The following KCNU1 variants were observed in gnomAD, a reference collection of about 807,000 sequenced individuals.
The protein encoded by KCNU1 is potassium calcium-activated channel subfamily U member 1, also known as potassium channel subfamily U member 1.
KCNU1 carries 93 observed loss-of-function variants against 126.8 expected under a neutral mutation model. The ratio of observed to expected loss-of-function variants is 0.73; its 90% CI spans 0.62 to 0.87. The LOEUF (loss-of-function observed/expected upper bound fraction) is 0.87, where lower values mean the gene tolerates loss of function less well. KCNU1 is among the 40% of genes least tolerant of loss of function. The probability of loss-of-function intolerance (pLI) is 0.00; values close to 1 mark genes in which losing one functional copy is unlikely to be tolerated. For synonymous variants in KCNU1, 523 were observed against 494.2 expected, an observed-to-expected ratio of 1.06 and a Z score of -0.77; for missense variants, 1,330 against 1,367.1, an observed-to-expected ratio of 0.97 and a Z score of 0.43.
intron 18 of KCNU1, among the ~76,000 whole-genome samples, chr8:36,859,862 G>A (rs1213717116): frequency 6.6e-6 from 1 of 152,136 alleles, no homozygotes; most frequent in African/African-American, 2.4e-5. Flanking sequence ...GAGAATATCA[G>A]TACATAAAGA....
At chr8:36,805,854 A>G (rs1057105121) in intron 4 of KCNU1, among the ~76,000 whole-genome samples, 3 of 151,676 alleles carry the variant, frequency 2.0e-5, no homozygotes, top group African/African-American at 4.8e-5. Flanking sequence ...AAAACATCTT[A>G]TTTTTTTTAG....
At position 36,876,108 on chromosome 8, in the gene KCNU1, A is replaced by G. The variant is rs201777606; in HGVS notation, c.2009+11587A>G. Among the ~76,000 whole-genome samples the G allele has an allele frequency of 2.3e-3, 348 of 152,202 alleles. 2 individuals are homozygous for G. Among genetic ancestry groups the G allele is most frequent in the African/African-American group, 7.3e-3 (305 of 41,540 alleles). On this transcript the variant is annotated intron_variant, in intron 19 of 26. Coordinates refer to ENST00000399881, the MANE Select transcript of KCNU1 (RefSeq NM_001031836.3). ...GGCTTGTGAGTTTAGTCTTCCAGGA[A>G]CAGTTCCAGTATCTCCTGCCCACAG...
At chr8:36,909,669 T>C (rs1807787973) in intron 21 of KCNU1, 134 bp downstream of exon 21, 2 of 611,348 alleles carry the variant, frequency 3.3e-6, no homozygotes, top group Non-Finnish European at 5.6e-6. Flanking sequence ...TTTACCTATA[T>C]TAATTCACTT....
chr8:36,932,975 T>C lies in KCNU1; in HGVS notation c.2987T>C (p.Leu996Pro), dbSNP rs1808747173. Residue 996 changes from leucine (L) to proline (P), a missense_variant, in exon 26 of 27, where the codon CTG (leucine) becomes CCG (proline). This residue lies in a region of KCNU1 where 1,054 missense variants were observed against 1,053.9 expected (regional missense o/e 1.00). Coordinates refer to ENST00000399881, the MANE Select transcript of KCNU1 (RefSeq NM_001031836.3). Reference sequence around the variant, plus strand: ...GGCTCATTAGATCTTTTTGGAATCCTGTGTGTTGGCTTATACCGAATAATT... The same window carrying C: ...GGCTCATTAGATCTTTTTGGAATCCCGTGTGTTGGCTTATACCGAATAATT... ...FCGSLDLFGILCVGLYRIIDE... is the reference protein window; with the variant it reads ...FCGSLDLFGIPCVGLYRIIDE... 3 of 1,576,954 alleles carry C rather than the reference T, an allele frequency of 1.9e-6. No individual in the cohort carries two copies. Among genetic ancestry groups the C allele is most frequent in the Non-Finnish European group, 2.6e-6 (3 of 1,159,530 alleles).
At chr8:36,841,536 A>G (rs559788431) in intron 16 of KCNU1, among the ~76,000 whole-genome samples, 2 of 152,208 alleles carry the variant, frequency 1.3e-5, no homozygotes, top group African/African-American at 4.8e-5. Context: ...TACTAAAAAT[A>G]CAAAAATTAG....
intron 2 of KCNU1, among the ~76,000 whole-genome samples, chr8:36,800,698 G>C (rs1348428520): frequency 6.6e-6 from 1 of 152,192 alleles, no homozygotes; most frequent in Non-Finnish European, 1.5e-5. Context: ...AAAATGTACA[G>C]CTCTTCTCAG....
intron 2 of KCNU1, among the ~76,000 whole-genome samples, chr8:36,794,957 A>G (rs911774674): frequency 2.6e-5 from 4 of 152,040 alleles, no homozygotes; most frequent in African/African-American, 7.2e-5. Flanking sequence ...AAACAAAACA[A>G]AAACATAAGA....
intron 24 of KCNU1, among the ~76,000 whole-genome samples, chr8:36,927,203 G>A (rs1350347969): frequency 1.3e-5 from 2 of 152,244 alleles, no homozygotes; most frequent in East Asian, 1.9e-4. Context: ...TCTATCCCTT[G>A]TTAGACCTGT....
At chr8:36,787,856 C>T (rs1382685968) in intron 2 of KCNU1, among the ~76,000 whole-genome samples, 1 of 146,622 alleles carries the variant, frequency 6.8e-6, no homozygotes, top group African/African-American at 2.5e-5. Context: ...TATATATTGA[C>T]TAATTATATA....
chr8:36,790,877 T>C (rs534110261), intron 2 of KCNU1, among the ~76,000 whole-genome samples: 1 of 151,678 alleles, frequency 6.6e-6, no homozygotes, highest in African/African-American at 2.4e-5. Context: ...TCCCCCCAAA[T>C]AGCAACTTTT....
chr8:36,908,343 T>A (rs1289690855), intron 20 of KCNU1, among the ~76,000 whole-genome samples: 1 of 152,192 alleles, frequency 6.6e-6, no homozygotes, highest in Non-Finnish European at 1.5e-5. Flanking sequence ...GATAGTAGTA[T>A]GAGACATATT....
chr8:36,853,548 A>G (rs547543186), intron 18 of KCNU1, among the ~76,000 whole-genome samples: 1 of 152,180 alleles, frequency 6.6e-6, no homozygotes, highest in African/African-American at 2.4e-5. Context: ...TTACTTTCAC[A>G]TATTTGTGAA....
intron 18 of KCNU1, among the ~76,000 whole-genome samples, chr8:36,853,639 T>C (rs1336368467): frequency 6.6e-6 from 1 of 152,238 alleles, no homozygotes; most frequent in Non-Finnish European, 1.5e-5. Flanking sequence ...CAAATTCTTA[T>C]AGTATTTTAA....
chr8:36,831,275 G>A (rs1237974669), intron 10 of KCNU1, among the ~76,000 whole-genome samples: 17 of 152,220 alleles, frequency 1.1e-4, no homozygotes, highest in African/African-American at 4.1e-4. Flanking sequence ...TATATACCCA[G>A]TAATGGGATG....
At chr8:36,825,343 T>C (rs1198710524) in intron 10 of KCNU1, among the ~76,000 whole-genome samples, 1 of 152,208 alleles carries the variant, frequency 6.6e-6, no homozygotes, top group Admixed American at 6.5e-5. Flanking sequence ...ACCTTTTTTA[T>C]TTGCATAAGG....
intron 9 of KCNU1, among the ~76,000 whole-genome samples, chr8:36,817,059 G>C (rs935392435): frequency 6.6e-6 from 1 of 152,150 alleles, no homozygotes; most frequent in Admixed American, 6.5e-5. Flanking sequence ...TCTAGCAATA[G>C]TAATAGTTGC....
In KCNU1 at chr8:36,815,612, A is replaced by G. The variant is rs369908863; in HGVS notation, c.920A>G (p.Tyr307Cys). 1.4e-5 allele frequency: 22 copies of G among 1,579,868 alleles called. No individual in the cohort carries two copies. The Admixed American group carries it at 2.3e-4, about 17-fold the overall frequency. The change falls in exon 9 of 27, where the codon TAT becomes TGT. Residue 307 changes from tyrosine (Y) to cysteine (C), a missense_variant. Coordinates refer to ENST00000399881, the MANE Select transcript of KCNU1 (RefSeq NM_001031836.3). ...TLGSLILFAN[Y>C]IPEMVELFAN... ...CAATTTTAGATATTATTTGCGAACT[A>G]TATACCTGAAATGGTGGAACTGTTT...
chr8:36,891,211 T>C (rs553267645), intron 19 of KCNU1, among the ~76,000 whole-genome samples: 1 of 152,122 alleles, frequency 6.6e-6, no homozygotes, highest in South Asian at 2.1e-4. Context: ...TTTTATTTTA[T>C]TAGTGGTTGC....
At chr8:36,841,381 A>G (rs984934101) in intron 16 of KCNU1, among the ~76,000 whole-genome samples, 7 of 152,158 alleles carry the variant, frequency 4.6e-5, no homozygotes, top group Non-Finnish European at 1.0e-4. Flanking sequence ...ATGTTCCCAC[A>G]AACACTGGCC....
Sources: allele counts gnomAD v4.1 joint callset (sites outside exome capture counted in the v4.1 genomes callset), GRCh38; gene constraint gnomAD v4.1.1; regional missense constraint gnomAD v4.1.1; transcripts MANE v1.5; gene names NCBI Gene and HGNC (gene_info 2026-07-23, HGNC 2026-07-21).